The following FHIT variants were observed in gnomAD, a reference collection of about 807,000 sequenced individuals.
FHIT encodes the protein bis(5'-adenosyl)-triphosphatase.
A neutral mutation model predicts 17.9 loss-of-function variants in FHIT; 19 were observed. The ratio of observed to expected loss-of-function variants is 1.06; its 90% CI spans 0.74 to 1.56. The LOEUF is 1.56. Among genes scored for constraint, FHIT ranks in the 40% most tolerant of loss-of-function variants. The pLI is 0.00. For missense variants in FHIT, 248 were observed against 189.2 expected (o/e 1.31, Z -1.82); for synonymous variants, 81 against 69.7 (o/e 1.16, Z -0.81).
At chr3:60,663,204 T>G (rs1311920554) in intron 4 of FHIT, among the ~76,000 whole-genome samples, 2 of 109,110 alleles carry the variant, frequency 1.8e-5, no homozygotes, top group Non-Finnish European at 3.9e-5. Context: ...CTTTATTTTA[T>G]GTCAACATTG....
intron 4 of FHIT, among the ~76,000 whole-genome samples, chr3:60,605,436 G>A (rs564099682): frequency 1.8e-4 from 27 of 152,248 alleles, no homozygotes; most frequent in Admixed American, 9.8e-4. Context: ...TATTCACTCC[G>A]CTTAGGACAA....
At chr3:60,144,432 T>C (rs993271898) in intron 5 of FHIT, among the ~76,000 whole-genome samples, 18 of 152,278 alleles carry the variant, frequency 1.2e-4, no homozygotes, top group Middle Eastern at 6.8e-3. Context: ...TACAGGCAAG[T>C]ATTCTGGAGC....
intron 4 of FHIT, among the ~76,000 whole-genome samples, chr3:60,660,727 C>CTTT (rs1220817643): frequency 0.023 from 385 of 16,678 alleles, 28 homozygotes; most frequent in African/African-American, 0.048. Context: ...TTTTATTGTG[C>CTTT]TCTTTTTTTT....
At chr3:61,216,572 G>A (rs950316698) in intron 1 of FHIT, among the ~76,000 whole-genome samples, 15 of 152,170 alleles carry the variant, frequency 9.9e-5, no homozygotes, top group Non-Finnish European at 2.1e-4. Context: ...CAACCATTGT[G>A]GAAGTCAGTG....
chr3:60,880,424 C>A (rs1704906238), intron 3 of FHIT, among the ~76,000 whole-genome samples: 1 of 152,176 alleles, frequency 6.6e-6, no homozygotes, highest in Admixed American at 6.5e-5. Context: ...TAAGAAAACA[C>A]ACAAAAGTAT....
chr3:61,049,690 C>T (rs2033953545), intron 2 of FHIT, among the ~76,000 whole-genome samples: 1 of 151,974 alleles, frequency 6.6e-6, no homozygotes, highest in Non-Finnish European at 1.5e-5. Flanking sequence ...GACTAAATAC[C>T]AGGTTATAGT....
intron 5 of FHIT, among the ~76,000 whole-genome samples, chr3:60,459,071 A>G (rs1436288198): frequency 6.6e-6 from 1 of 152,146 alleles, no homozygotes; most frequent in Non-Finnish European, 1.5e-5. Context: ...CATGAGCCAC[A>G]GTGCCCAGCC....
intron 2 of FHIT, among the ~76,000 whole-genome samples, chr3:61,136,759 G>A (rs1365327433): frequency 1.3e-5 from 2 of 152,310 alleles, no homozygotes; most frequent in East Asian, 3.9e-4. Flanking sequence ...CTGGAGCAGT[G>A]TTGGTACTCA....
chr3:60,861,875 G>A (rs1024569425), intron 3 of FHIT, among the ~76,000 whole-genome samples: 8 of 150,172 alleles, frequency 5.3e-5, no homozygotes, highest in Non-Finnish European at 8.9e-5. Context: ...GCGTGAACCC[G>A]TGAGGTGGAG....
intron 5 of FHIT, among the ~76,000 whole-genome samples, chr3:60,193,539 C>T (rs1702495337): frequency 6.6e-6 from 1 of 152,192 alleles, no homozygotes; most frequent in Non-Finnish European, 1.5e-5. Flanking sequence ...ATGGACAACT[C>T]TCAAACACAG....
At chr3:60,106,488 G>A (rs1046992628) in intron 5 of FHIT, among the ~76,000 whole-genome samples, 3 of 152,176 alleles carry the variant, frequency 2.0e-5, no homozygotes, top group African/African-American at 7.2e-5. Context: ...TTAAATCTGT[G>A]AAAGGAAGAC....
chr3:60,969,550 T>A (rs768989466), intron 3 of FHIT, among the ~76,000 whole-genome samples: 1 of 152,162 alleles, frequency 6.6e-6, no homozygotes, highest in Non-Finnish European at 1.5e-5. Context: ...ATCTTCATTA[T>A]CAGAAATATT....
At chr3:60,087,940 A>T (rs1703566550) in intron 5 of FHIT, among the ~76,000 whole-genome samples, 1 of 152,144 alleles carries the variant, frequency 6.6e-6, no homozygotes, top group South Asian at 2.1e-4. Flanking sequence ...CAAAGGTGTC[A>T]CTGAGGCTGT....
chr3:60,611,698 G>A (rs374506465), intron 4 of FHIT, among the ~76,000 whole-genome samples: 3 of 152,154 alleles, frequency 2.0e-5, no homozygotes, highest in Non-Finnish European at 4.4e-5. Flanking sequence ...AAATCTACCT[G>A]AGTATCACTA....
At chr3:59,873,706 G>A (rs147474201) in intron 8 of FHIT, among the ~76,000 whole-genome samples, 2 of 152,134 alleles carry the variant, frequency 1.3e-5, no homozygotes, top group African/African-American at 4.8e-5. Flanking sequence ...TCCAGACAAT[G>A]CCAAATGTGC....
At chr3:61,039,311 C>G (rs895760639) in intron 3 of FHIT, among the ~76,000 whole-genome samples, 1 of 152,084 alleles carries the variant, frequency 6.6e-6, no homozygotes, top group Non-Finnish European at 1.5e-5. Context: ...ATTACTACAA[C>G]AACATTTTAC....
intron 5 of FHIT, among the ~76,000 whole-genome samples, chr3:60,129,049 G>GTTGTT (rs759645654): frequency 0.12 from 13,936 of 119,822 alleles, 835 homozygotes; most frequent in Admixed American, 0.13. Context: ...TTCCTTTTTT[G>GTTGTT]TTTGTTTTTT....
At chr3:59,896,205 C>A (rs1032318871) in intron 8 of FHIT, among the ~76,000 whole-genome samples, 1 of 152,206 alleles carries the variant, frequency 6.6e-6, no homozygotes, top group African/African-American at 2.4e-5. Context: ...TTGTTCTCTG[C>A]TGTGTCCCAA....
chr3:60,432,981 GATA>G (rs1169679224), intron 5 of FHIT, among the ~76,000 whole-genome samples: 1 of 150,618 alleles, frequency 6.6e-6, no homozygotes, highest in Non-Finnish European at 1.5e-5. Flanking sequence ...AAGTGCACTA[GATA>G]ATATTGTTAA....
Sources: gnomAD v4.1 joint callset for allele counts (sites outside exome capture counted in the v4.1 genomes callset) on GRCh38, gnomAD v4.1.1 for gene constraint, MANE v1.5 for transcripts, NCBI Gene and HGNC (gene_info 2026-07-23, HGNC 2026-07-21) for gene names.